Variants in FSTL4 observed in about 807,000 individuals in gnomAD.
FSTL4 encodes follistatin like 4, also known as follistatin-related protein 4.
Under a neutral mutation model 78.2 loss-of-function variants are expected in FSTL4, and 28 were observed. The ratio of observed to expected loss-of-function variants is 0.36; its 90% CI spans 0.27 to 0.49. FSTL4 has a LOEUF of 0.49. Ranked by LOEUF, FSTL4 falls within the 20% of genes least tolerant of loss-of-function variation. The pLI is 0.98. For missense variants in FSTL4, 922 were observed against 1,084.9 expected (o/e 0.85, Z 2.11); for synonymous variants, 422 against 440.5 (o/e 0.96, Z 0.53).
intron 4 of FSTL4, among the ~76,000 whole-genome samples, chr5:133,383,389 C>G (rs1159906523): frequency 6.6e-6 from 1 of 152,198 alleles, no homozygotes; most frequent in Admixed American, 6.5e-5. Context: ...ACCAGAGAGT[C>G]TCAGTGGTGG....
chr5:133,226,087 CCAAA>C (rs1277392818), intron 8 of FSTL4, among the ~76,000 whole-genome samples: 12 of 152,310 alleles, frequency 7.9e-5, no homozygotes, highest in Admixed American at 3.9e-4. Flanking sequence ...AGAAGGCCAT[CCAAA>C]TATTTAATGC....
At chr5:133,405,942 A>G (rs1280340169) in intron 3 of FSTL4, among the ~76,000 whole-genome samples, 1 of 152,242 alleles carries the variant, frequency 6.6e-6, no homozygotes, top group Non-Finnish European at 1.5e-5. Flanking sequence ...AGCACCTGCT[A>G]TGTGCCAGTC....
Position 133,199,418 on chromosome 5 carries a change from C to A in FSTL4, c.2206G>T (p.Asp736Tyr), listed in dbSNP as rs778735836. The A allele has an allele frequency of 6.2e-7, 1 of 1,614,238 alleles. No individual in the cohort carries two copies. The highest frequency in any genetic ancestry group is 1.6e-4 in the Middle Eastern group (1 of 6,062). Residue 736 changes from aspartate to tyrosine, a missense_variant, in exon 16 of 16, where the codon GAC becomes TAC. Physicochemically the swap from Asp to Tyr is radical, Grantham distance 160. Transcript: ENST00000265342. This position sits in a 1 kb window ranked among gnomAD's most constrained non-coding sequence, Gnocchi z 4.4. ...GTGAAGGAGCGCTGGAAGGCCAAGTCTGAGATGCCCGAGTTTATTTGCAGG... is the reference window on the plus strand; with the variant it reads ...GTGAAGGAGCGCTGGAAGGCCAAGTATGAGATGCCCGAGTTTATTTGCAGG... Reference protein sequence around the residue: ...YDLQINSGISDLAFQRSFTES... With the variant: ...YDLQINSGISYLAFQRSFTES...
At chr5:133,826,643 C>G in the FSTL4 span, among the ~76,000 whole-genome samples, 1 of 152,208 alleles carries the variant, frequency 6.6e-6, no homozygotes, top group African/African-American at 2.4e-5. Context: ...CAGGGCCCAC[C>G]TAGGTAATCC....
At chr5:133,753,010 T>C in the FSTL4 span, among the ~76,000 whole-genome samples, 127 of 152,364 alleles carry the variant, frequency 8.3e-4, 1 homozygote, top group African/African-American at 2.9e-3. Flanking sequence ...AGTATAATGG[T>C]TGTTATGAAA....
At chr5:133,407,442 TGAAA>T (rs1756387736) in intron 3 of FSTL4, among the ~76,000 whole-genome samples, 1 of 152,232 alleles carries the variant, frequency 6.6e-6, no homozygotes, top group Admixed American at 6.5e-5. Flanking sequence ...GTGCACTTGA[TGAAA>T]GCAGTTTGAC....
chr5:133,814,765 C>T, the FSTL4 span, among the ~76,000 whole-genome samples: 1 of 152,186 alleles, frequency 6.6e-6, no homozygotes, highest in African/African-American at 2.4e-5. Flanking sequence ...CATTTTGAAA[C>T]AAATTGCAAC....
intron 3 of FSTL4, among the ~76,000 whole-genome samples, chr5:133,450,786 C>T (rs1757368072): frequency 6.6e-6 from 1 of 152,214 alleles, no homozygotes; most frequent in South Asian, 2.1e-4. Flanking sequence ...AGTCTACCGG[C>T]ACCTTTTCAG....
chr5:133,560,643 C>T (rs1432378199), intron 3 of FSTL4, among the ~76,000 whole-genome samples: 1 of 150,396 alleles, frequency 6.6e-6, no homozygotes, highest in Non-Finnish European at 1.5e-5. Flanking sequence ...GGATTACAGG[C>T]GTGAGCCACC....
At chr5:133,606,846 T>G (rs562568339) in intron 1 of FSTL4, among the ~76,000 whole-genome samples, 1 of 152,372 alleles carries the variant, frequency 6.6e-6, no homozygotes, top group South Asian at 2.1e-4. Flanking sequence ...GTTTTATGTT[T>G]TGGTACTAAT....
chr5:133,731,278 C>A, the FSTL4 span, among the ~76,000 whole-genome samples: 16 of 151,988 alleles, frequency 1.1e-4, no homozygotes, highest in Non-Finnish European at 2.1e-4. Context: ...CGAGCCCTGG[C>A]CTGAAGACAG....
intron 7 of FSTL4, among the ~76,000 whole-genome samples, chr5:133,235,630 G>A (rs28445651): frequency 0.046 from 6,970 of 152,222 alleles, 252 homozygotes; most frequent in Non-Finnish European, 0.06. Flanking sequence ...CTTGCAGGGA[G>A]GGTCAGGATA....
intron 3 of FSTL4, among the ~76,000 whole-genome samples, chr5:133,513,899 C>T (rs1758793113): frequency 6.6e-6 from 1 of 152,146 alleles, no homozygotes; most frequent in Non-Finnish European, 1.5e-5. Context: ...ACTGTCGGGG[C>T]CGGGCGCGGT....
chr5:133,482,358 GAAAC>G (rs1758043944), intron 3 of FSTL4, among the ~76,000 whole-genome samples: 1 of 152,194 alleles, frequency 6.6e-6, no homozygotes, highest in East Asian at 1.9e-4. Flanking sequence ...ACAAGCAACT[GAAAC>G]AATAGGAGAA....
chr5:133,801,891 C>G, the FSTL4 span, among the ~76,000 whole-genome samples: 1 of 152,206 alleles, frequency 6.6e-6, no homozygotes, highest in Non-Finnish European at 1.5e-5. Context: ...CCTGTGCTCT[C>G]TGGTCAGAGC....
intron 2 of FSTL4, among the ~76,000 whole-genome samples, chr5:133,597,100 C>T (rs1760754155): frequency 6.6e-6 from 1 of 152,102 alleles, no homozygotes; most frequent in African/African-American, 2.4e-5. Flanking sequence ...CCATATCCTC[C>T]CACATCCTCC....
At chr5:133,669,229 G>A in the FSTL4 span, among the ~76,000 whole-genome samples, 1 of 152,166 alleles carries the variant, frequency 6.6e-6, no homozygotes, top group Non-Finnish European at 1.5e-5. Flanking sequence ...TCCCCAAGGG[G>A]TCAGCTACGG....
intron 4 of FSTL4, among the ~76,000 whole-genome samples, chr5:133,398,763 C>G (rs1175959184): frequency 6.6e-6 from 1 of 152,186 alleles, no homozygotes; most frequent in Non-Finnish European, 1.5e-5. Flanking sequence ...ATGCAACCAA[C>G]ACCACACAGC....
chr5:133,259,087 C>T (rs1427022028), intron 6 of FSTL4, among the ~76,000 whole-genome samples: 1 of 148,642 alleles, frequency 6.7e-6, no homozygotes, highest in Non-Finnish European at 1.5e-5. Flanking sequence ...AACATGCAAA[C>T]AAATTACACA....
Sources: allele counts gnomAD v4.1 joint callset (sites outside exome capture counted in the v4.1 genomes callset), GRCh38; gene constraint gnomAD v4.1.1; non-coding constraint Gnocchi (gnomAD v3.1); transcripts MANE v1.5; gene names NCBI Gene and HGNC (gene_info 2026-07-23, HGNC 2026-07-21).